HCN1: variants seen among roughly 807,000 people sequenced by gnomAD.
HCN1 encodes potassium/sodium hyperpolarization-activated cyclic nucleotide-gated channel 1.
HCN1 carries 13 observed loss-of-function variants against 78.9 expected under a neutral mutation model. The observed-to-expected ratio is 0.16, with a 90% CI of 0.11 to 0.26. The LOEUF (loss-of-function observed/expected upper bound fraction) is 0.26, where lower values mean the gene tolerates loss of function less well. HCN1 is among the 10% of genes least tolerant of loss of function. The probability of loss-of-function intolerance (pLI) is 1.00; values close to 1 mark genes in which losing one functional copy is unlikely to be tolerated. For missense variants in HCN1, 810 were observed against 1,154.3 expected (o/e 0.70, Z 4.32); for synonymous variants, 552 against 455.5 (o/e 1.21, Z -2.70).
intron 1 of HCN1, among the ~76,000 whole-genome samples, chr5:45,686,717 G>T (rs1739816748): frequency 1.3e-5 from 2 of 152,092 alleles, no homozygotes; most frequent in Non-Finnish European, 2.9e-5. Context: ...TGTTCCAAAT[G>T]ATCTCTGGAA....
At chr5:45,298,572 A>G (rs1323214300) in intron 6 of HCN1, among the ~76,000 whole-genome samples, 1 of 152,086 alleles carries the variant, frequency 6.6e-6, no homozygotes, top group Admixed American at 6.6e-5. Flanking sequence ...CAGAATTAAT[A>G]AAGTAGTACT....
chr5:45,632,594 T>A (rs1031708571), intron 2 of HCN1, among the ~76,000 whole-genome samples: 7 of 152,064 alleles, frequency 4.6e-5, no homozygotes, highest in Admixed American at 2.0e-4. Flanking sequence ...TATTATTATC[T>A]AACCCGAAAT....
chr5:45,670,076 T>G (rs1303468347), intron 1 of HCN1, among the ~76,000 whole-genome samples: 2 of 151,100 alleles, frequency 1.3e-5, no homozygotes, highest in Admixed American at 6.6e-5. Context: ...ATATGAAGAG[T>G]AAAAATGTGG....
At chr5:45,532,860 C>G (rs951642411) in intron 2 of HCN1, among the ~76,000 whole-genome samples, 1 of 152,136 alleles carries the variant, frequency 6.6e-6, no homozygotes, top group Non-Finnish European at 1.5e-5. Flanking sequence ...CTTTTCCTTG[C>G]AAATGGAACT....
intron 1 of HCN1, among the ~76,000 whole-genome samples, chr5:45,683,757 A>G (rs1197648894): frequency 6.6e-6 from 1 of 152,000 alleles, no homozygotes; most frequent in East Asian, 1.9e-4. Flanking sequence ...TGAAGCCTCA[A>G]CCTGCTGGGA....
At chr5:45,670,220 G>GAAAC (rs970434573) in intron 1 of HCN1, among the ~76,000 whole-genome samples, 4 of 151,454 alleles carry the variant, frequency 2.6e-5, no homozygotes, top group Admixed American at 1.3e-4. Context: ...GGAACAAAGT[G>GAAAC]AAACAAACAA....
At chr5:45,375,431 A>C (rs1747605732) in intron 4 of HCN1, among the ~76,000 whole-genome samples, 1 of 117,248 alleles carries the variant, frequency 8.5e-6, no homozygotes, top group African/African-American at 3.5e-5. Context: ...TATGATACAT[A>C]TTATATATAA....
At chr5:45,454,822 A>G (rs1226538697) in intron 3 of HCN1, among the ~76,000 whole-genome samples, 2 of 152,112 alleles carry the variant, frequency 1.3e-5, no homozygotes, top group African/African-American at 4.8e-5. Flanking sequence ...TCTATATTCT[A>G]ATTGTATATG....
chr5:45,473,880 T>A (rs1449694351), intron 2 of HCN1, among the ~76,000 whole-genome samples: 1 of 151,916 alleles, frequency 6.6e-6, no homozygotes. Flanking sequence ...AAAATTTTCA[T>A]ATACTGCTGT....
chr5:45,406,029 T>G (rs1321924630), intron 3 of HCN1, among the ~76,000 whole-genome samples: 1 of 152,174 alleles, frequency 6.6e-6, no homozygotes, highest in African/African-American at 2.4e-5. Context: ...TTTTCTTATT[T>G]TTTTGATATT....
intron 4 of HCN1, among the ~76,000 whole-genome samples, chr5:45,386,911 A>T (rs1747934906): frequency 6.6e-6 from 1 of 152,116 alleles, no homozygotes; most frequent in Non-Finnish European, 1.5e-5. Context: ...TAACTTTTAA[A>T]TTTTTAGTTC....
At chr5:45,585,236 C>A (rs565544385) in intron 2 of HCN1, among the ~76,000 whole-genome samples, 2 of 152,200 alleles carry the variant, frequency 1.3e-5, no homozygotes, top group Admixed American at 6.5e-5. Context: ...TCTTTTTATT[C>A]TTTTTTCTCT....
At chr5:45,439,567 C>T (rs1277977534) in intron 3 of HCN1, among the ~76,000 whole-genome samples, 1 of 151,996 alleles carries the variant, frequency 6.6e-6, no homozygotes, top group Admixed American at 6.6e-5. Context: ...ATTCAAATCT[C>T]CCTTTTTATT....
At chr5:45,537,523 CTTTTTTTTTTTTTTT>C (rs71000638) in intron 2 of HCN1, among the ~76,000 whole-genome samples, 12 of 25,770 alleles carry the variant, frequency 4.7e-4, no homozygotes, top group East Asian at 1.3e-3. Flanking sequence ...AACTCTAAGT[CTTTTTTTTTTTTTTT>C]TTTTTTTTTT....
intron 1 of HCN1, among the ~76,000 whole-genome samples, chr5:45,693,937 G>A (rs1739958625): frequency 2.6e-5 from 4 of 152,030 alleles, no homozygotes; most frequent in African/African-American, 9.7e-5. Flanking sequence ...ATTAAGACTG[G>A]AGACTTTTTT....
intron 2 of HCN1, among the ~76,000 whole-genome samples, chr5:45,606,570 C>G (rs1324114987): frequency 6.6e-6 from 1 of 151,788 alleles, no homozygotes; most frequent in Non-Finnish European, 1.5e-5. Context: ...CTCAATATCT[C>G]AAAGTACAGG....
chr5:45,403,005 C>T (rs1456553645), intron 3 of HCN1, among the ~76,000 whole-genome samples: 1 of 151,962 alleles, frequency 6.6e-6, no homozygotes, highest in Non-Finnish European at 1.5e-5. Context: ...CCAGCAATCC[C>T]ATATCAGCCT....
chr5:45,617,269 A>C (rs1400246548), intron 2 of HCN1: 1 of 152,056 alleles, frequency 6.6e-6, no homozygotes, highest in Non-Finnish European at 1.5e-5. Flanking sequence ...TGATGCTAGG[A>C]GTTCAACAAC....
At chr5:45,533,615 G>A (rs968189577) in intron 2 of HCN1, among the ~76,000 whole-genome samples, 4 of 152,156 alleles carry the variant, frequency 2.6e-5, no homozygotes, top group Admixed American at 6.5e-5. Flanking sequence ...GAAATAGAAA[G>A]TGTTTTTATT....
Sources: allele counts gnomAD v4.1 joint callset (sites outside exome capture counted in the v4.1 genomes callset), GRCh38; gene constraint gnomAD v4.1.1; transcripts MANE v1.5; gene names NCBI Gene and HGNC (gene_info 2026-07-23, HGNC 2026-07-21).